Variants in DORIP1 observed in about 807,000 individuals in gnomAD.
DORIP1 encodes dopamine receptor-interacting protein 1.
chr14:44,905,531 T>C, the DORIP1 span: 39 of 1,520,876 alleles, frequency 2.6e-5, no homozygotes, highest in Non-Finnish European at 3.4e-5. Context: ...TTGGTTTATA[T>C]TCGAGCAACA....
the DORIP1 span, chr14:44,903,134 G>A: frequency 4.7e-5 from 52 of 1,105,752 alleles, 2 homozygotes; most frequent in African/African-American, 1.6e-5. Context: ...GGACTGAGCT[G>A]TAAAATTTGT....
chr14:44,898,865 G>A, the DORIP1 span: 8 of 152,220 alleles, frequency 5.3e-5, no homozygotes, highest in Non-Finnish European at 8.8e-5. Flanking sequence ...ATTTTTACTC[G>A]CGTTGCAGAA....
chr14:44,904,397 G>T, the DORIP1 span: 1 of 1,610,430 alleles, frequency 6.2e-7, no homozygotes, highest in Non-Finnish European at 8.5e-7. Flanking sequence ...TATTTTAGGT[G>T]TGGTGGCTTA....
At chr14:44,904,888 C>T in the DORIP1 span, 1 of 182,632 alleles carries the variant, frequency 5.5e-6, no homozygotes, top group Admixed American at 5.9e-5. Context: ...TAAGCACATA[C>T]TAAGTGTTTA....
chr14:44,902,545 G>A, the DORIP1 span, among the ~76,000 whole-genome samples: 1 of 151,970 alleles, frequency 6.6e-6, no homozygotes, highest in South Asian at 2.1e-4. Flanking sequence ...GCCCAGGTTG[G>A]TCTCAAACTT....
the DORIP1 span, chr14:44,899,397 T>C: frequency 6.6e-6 from 1 of 152,326 alleles, no homozygotes; most frequent in East Asian, 1.9e-4. Context: ...AGTTAAAAAT[T>C]ATAGTATATC....
At chr14:44,897,529 ACGGGTGCGGCGG>A in the DORIP1 span, 9 of 205,730 alleles carry the variant, frequency 4.4e-5, no homozygotes, top group Admixed American at 1.9e-4. Context: ...GGCGGCGGCG[ACGGGTGCGGCGG>A]CACCGGCAGT....
At chr14:44,904,357 C>A in the DORIP1 span, 1 of 1,578,802 alleles carries the variant, frequency 6.3e-7, no homozygotes, top group South Asian at 1.2e-5. Flanking sequence ...CAGCTTTGTC[C>A]CAAGTGTAAT....
chr14:44,904,605 C>A, the DORIP1 span: 3 of 1,331,452 alleles, frequency 2.3e-6, no homozygotes, highest in Non-Finnish European at 3.0e-6. Context: ...TTTTGACTAG[C>A]CCTTAAGAGA....
chr14:44,904,056 T>C, the DORIP1 span: 4 of 985,032 alleles, frequency 4.1e-6, no homozygotes, highest in Non-Finnish European at 3.6e-6. Flanking sequence ...GTCATATTTT[T>C]CCCCTCTCTG....
the DORIP1 span, chr14:44,906,389 T>C: frequency 6.6e-6 from 1 of 152,164 alleles, no homozygotes; most frequent in Non-Finnish European, 1.5e-5. Context: ...AAATGCACTT[T>C]AAATATATAT....
chr14:44,899,007 A>C, the DORIP1 span: 1 of 152,150 alleles, frequency 6.6e-6, no homozygotes, highest in Non-Finnish European at 1.5e-5. Flanking sequence ...GATCTCAGTC[A>C]CTCATTTCTC....
the DORIP1 span, among the ~76,000 whole-genome samples, chr14:44,901,811 A>G: frequency 6.6e-6 from 1 of 152,204 alleles, no homozygotes; most frequent in African/African-American, 2.4e-5. Context: ...TGACTAGGAA[A>G]GGTGCAAGGA....
chr14:44,900,066 G>C, the DORIP1 span, among the ~76,000 whole-genome samples: 11 of 152,074 alleles, frequency 7.2e-5, no homozygotes, highest in African/African-American at 2.7e-4. Flanking sequence ...CCCGACCTCA[G>C]GTGATCGCCC....
At chr14:44,900,322 T>C in the DORIP1 span, 1 of 1,044,216 alleles carries the variant, frequency 9.6e-7, no homozygotes, top group Non-Finnish European at 1.3e-6. Flanking sequence ...GGAGGCCTAA[T>C]AACCACATTT....
the DORIP1 span, among the ~76,000 whole-genome samples, chr14:44,898,345 G>A: frequency 6.6e-6 from 1 of 151,952 alleles, no homozygotes; most frequent in Non-Finnish European, 1.5e-5. Flanking sequence ...AAAGACTAAA[G>A]TTTCATGCCA....
the DORIP1 span, chr14:44,900,388 A>G: frequency 3.6e-6 from 5 of 1,387,994 alleles, no homozygotes; most frequent in South Asian, 5.3e-5. Context: ...CATTTAATAT[A>G]CAAAGTTACA....
At chr14:44,899,823 A>ATTTTTTTTT in the DORIP1 span, among the ~76,000 whole-genome samples, 9 of 134,444 alleles carry the variant, frequency 6.7e-5, no homozygotes, top group African/African-American at 2.4e-4. Flanking sequence ...TTCATTTAGG[A>ATTTTTTTTT]ATTTTTTTTT....
At chr14:44,906,324 CAACTATA>C in the DORIP1 span, 4 of 151,980 alleles carry the variant, frequency 2.6e-5, no homozygotes, top group South Asian at 2.1e-4. Flanking sequence ...GCAGATAAAA[CAACTATA>C]AACAATATTA....
Sources: gnomAD v4.1 joint callset for allele counts (sites outside exome capture counted in the v4.1 genomes callset) on GRCh38, gnomAD v4.1.1 for gene constraint, MANE v1.5 for transcripts, NCBI Gene and HGNC (gene_info 2026-07-23, HGNC 2026-07-21) for gene names.